KRTAP12-2: variants seen among roughly 807,000 people sequenced by gnomAD.
The protein encoded by KRTAP12-2 is keratin-associated protein 12-2.
For missense variants in KRTAP12-2, 166 were observed against 184.2 expected (o/e 0.90, Z 0.57); for synonymous variants, 73 against 83.9 (o/e 0.87, Z 0.71).
In KRTAP12-2 at chr21:44,666,913, G is replaced by A. The variant is rs782092365; in HGVS notation, c.-27C>T. 5 of 1,604,222 alleles carry A rather than the reference G, an allele frequency of 3.1e-6. No homozygotes were observed. Among genetic ancestry groups the A allele is most frequent in the Non-Finnish European group, 4.3e-6 (5 of 1,174,118 alleles). ...GTGGCGTGTGGCTGGATAAGGTCGA[G>A]GCAGAGGGCAGTGATGTCTGGGGAC... is the stretch of plus-strand genomic sequence containing the variant. On this transcript the variant is annotated 5_prime_UTR_variant, in exon 1 of 1. Transcript: ENST00000360770.
In KRTAP12-2 at chr21:44,666,300, T is replaced by A; in HGVS notation, c.*146A>T. On this transcript the variant is annotated 3_prime_UTR_variant, in exon 1 of 1. Coordinates refer to ENST00000360770, the MANE Select transcript of KRTAP12-2 (RefSeq NM_181684.3). ...TCAGCAAGGGCTCCAGATCATTCTG[T>A]CACATTCTCAATCCAGAATTCAGAG... The A allele has an allele frequency of 9.7e-7, 1 of 1,029,836 alleles. No individual in the cohort carries two copies. Among genetic ancestry groups the A allele is most frequent in the Non-Finnish European group, 1.4e-6 (1 of 708,802 alleles). The allele number at this position is 1,029,836 out of a possible 1,614,324, so 63.8% of individuals were successfully genotyped here.
In KRTAP12-2 at chr21:44,666,685, T is replaced by C. The variant is rs587746846; in HGVS notation, c.202A>G (p.Met68Val). Residue 68 changes from methionine (M) to valine (V), a missense_variant, in exon 1 of 1, where the codon ATG (methionine) becomes GTG (valine). Coordinates refer to ENST00000360770, the MANE Select transcript of KRTAP12-2 (RefSeq NM_181684.3). ...VSCQSSVCVP[M>V]SFKSAVCVPV... ...ACGCACACAGCTGACTTGAAGCTCA[T>C]GGGCACACACACAGAAGACTGGCAG... is the stretch of plus-strand genomic sequence containing the variant. 6.2e-7 allele frequency: 1 copy of C among 1,610,918 alleles called. No homozygotes were observed. Among genetic ancestry groups the C allele is most frequent in the Non-Finnish European group, 8.5e-7 (1 of 1,178,832 alleles).
Position 44,666,864 on chromosome 21 carries a change from G to A in KRTAP12-2, c.23C>T (p.Ser8Leu), listed in dbSNP as rs373803066. Residue 8 changes from serine (S) to leucine (L), a missense_variant, in exon 1 of 1, where the codon TCG becomes TTG. Ser to Leu is a moderately radical substitution (Grantham distance 145). Transcript: ENST00000360770. Reference protein sequence around the residue: MCHTSCSSGCQPACCAPS... With the variant: MCHTSCSLGCQPACCAPS... Reference sequence around the variant, plus strand: ...CGCGCAGCAGGCTGGCTGGCAGCCCGAGGAGCAGCTGGTATGACACATGGT... The same window carrying A: ...CGCGCAGCAGGCTGGCTGGCAGCCCAAGGAGCAGCTGGTATGACACATGGT... 5.7e-5 allele frequency: 92 copies of A among 1,613,572 alleles called. No individual in the cohort carries two copies. The highest frequency in any genetic ancestry group is 3.3e-4 in the Middle Eastern group (2 of 6,082).
At position 44,666,786 on chromosome 21, in the gene KRTAP12-2, C is replaced by T. The variant is rs782520872; in HGVS notation, c.101G>A (p.Cys34Tyr). ...GGACTGGCAGCCCACAGGCACACAG[C>T]AGGATGCCTGGCAGGAGCTGGGCAC... Reference protein sequence around the residue: ...CCVPSSCQASCCVPVGCQSSV... With the variant: ...CCVPSSCQASYCVPVGCQSSV... The change falls in exon 1 of 1, where the codon TGC (cysteine) becomes TAC (tyrosine). Residue 34 changes from cysteine to tyrosine, a missense_variant. Coordinates refer to ENST00000360770, the MANE Select transcript of KRTAP12-2 (RefSeq NM_181684.3). 6.2e-7 allele frequency: 1 copy of T among 1,612,098 alleles called. No individual in the cohort carries two copies. The highest frequency in any genetic ancestry group is 1.1e-5 in the South Asian group (1 of 90,876).
Position 44,666,264 on chromosome 21 carries a change from G to A in KRTAP12-2, c.*182C>T, listed in dbSNP as rs1555944653. 2.7e-6 allele frequency: 2 copies of A among 748,318 alleles called. No homozygotes were observed. The highest frequency in any genetic ancestry group is 1.8e-5 in the African/African-American group (1 of 56,830). 46.4% of individuals were successfully genotyped at this position (748,318 alleles called of 1,614,324 possible). A position where few individuals can be genotyped will look rare whatever the true frequency, so the allele number is the denominator to read the frequency against. On this transcript the variant is annotated 3_prime_UTR_variant, in exon 1 of 1. Coordinates refer to ENST00000360770, the MANE Select transcript of KRTAP12-2 (RefSeq NM_181684.3). ...CTGGGACCCCAGACTTCCCTGGGGG[G>A]ATGGGCAAGGTCAGCAAGGGCTCCA...
chr21:44,666,716 G>A lies in KRTAP12-2; in HGVS notation c.171C>T (p.Pro57=), dbSNP rs371542975. 53 of 1,613,538 alleles carry A rather than the reference G, an allele frequency of 3.3e-5. No homozygotes were observed. The highest frequency in any genetic ancestry group is 1.2e-4 in the African/African-American group (9 of 74,742). Residue 57 remains proline (P), a synonymous_variant, in exon 1 of 1, where the codon CCC becomes CCT. Transcript: ENST00000360770. ...CACACACAGAAGACTGGCAGCTCACGGGCAGGCACACGGCTGGCTTGAAGC... is the reference window on the plus strand; with the variant it reads ...CACACACAGAAGACTGGCAGCTCACAGGCAGGCACACGGCTGGCTTGAAGC... ...PVSFKPAVCL[P]VSCQSSVCVP...
At position 44,666,755 on chromosome 21, in the gene KRTAP12-2, C is replaced by T; in HGVS notation, c.132G>A (p.Val44=). The change falls in exon 1 of 1, where the codon GTG becomes GTA. Residue 44 remains valine (V), a synonymous_variant. Transcript: ENST00000360770. The stretch of plus-strand genomic sequence containing the variant: ...CTGGCTTGAAGCTCACGGGCACACA[C>T]ACGGAGGACTGGCAGCCCACAGGCA... The part of the protein sequence containing the change: ...CCVPVGCQSS[V]CVPVSFKPAV... The T allele has an allele frequency of 6.2e-7, 1 of 1,614,126 alleles. No homozygotes were observed. Among genetic ancestry groups the T allele is most frequent in the African/African-American group, 1.3e-5 (1 of 75,032 alleles).
chr21:44,666,542 A>T, the KRTAP12-2 span: 1 of 1,613,094 alleles, frequency 6.2e-7, no homozygotes, highest in Non-Finnish European at 8.5e-7. Context: ...ACGGAGCCGC[A>T]TACACGACAG....
rs782611058 is a variant in KRTAP12-2 at position 44,666,625 on chromosome 21, C to T, written c.262G>A (p.Val88Met). ...GCACACACAATGGGCCTGCAGCTCA[C>T]AGGCACACACACAGAAGACTGGCAG... is the stretch of plus-strand genomic sequence containing the variant. ...VSCQSSVCVP[V>M]SCRPIVCAAP... Residue 88 changes from valine (V) to methionine (M), a missense_variant, in exon 1 of 1, where the codon GTG (valine) becomes ATG (methionine). Coordinates refer to ENST00000360770, the MANE Select transcript of KRTAP12-2 (RefSeq NM_181684.3). 39 of 1,613,764 alleles carry T rather than the reference C, an allele frequency of 2.4e-5. No individual in the cohort carries two copies. The highest frequency in any genetic ancestry group is 3.2e-5 in the Non-Finnish European group (38 of 1,179,936).
Position 44,666,726 on chromosome 21 carries a change from A to G in KRTAP12-2, c.161T>C (p.Val54Ala), listed in dbSNP as rs200339976. The change falls in exon 1 of 1, where the codon GTG becomes GCG. Residue 54 changes from valine (V) to alanine (A), a missense_variant. By Grantham distance (64) the Val-to-Ala change is moderately conservative. Coordinates refer to ENST00000360770, the MANE Select transcript of KRTAP12-2 (RefSeq NM_181684.3). ...AGACTGGCAGCTCACGGGCAGGCAC[A>G]CGGCTGGCTTGAAGCTCACGGGCAC... ...VCVPVSFKPAVCLPVSCQSSV... is the reference protein window; with the variant it reads ...VCVPVSFKPAACLPVSCQSSV... 1.3e-4 allele frequency: 211 copies of G among 1,613,984 alleles called. No individual in the cohort carries two copies. In the African/African-American group the frequency reaches 2.1e-3, roughly 16 times the overall value.
rs148932141 is a variant in KRTAP12-2, at chr21:44,666,820, C to T, written c.67G>A (p.Ala23Thr). ...TGGCAGGAGCTGGGCACACAACAGG[C>T]TGGCTGGCAGGGGCTGGGCGCGCAG... ...ACCAPSPCQP[A>T]CCVPSSCQAS... Residue 23 changes from alanine (A) to threonine (T), a missense_variant, in exon 1 of 1, where the codon GCC becomes ACC. By Grantham distance (58) the Ala-to-Thr change is moderately conservative. Coordinates refer to ENST00000360770, the MANE Select transcript of KRTAP12-2 (RefSeq NM_181684.3). 8,236 of 1,609,598 alleles carry T rather than the reference C, an allele frequency of 5.1e-3. 35 individuals carry two copies. The highest frequency in any genetic ancestry group is 5.3e-3 in the Non-Finnish European group (6,290 of 1,176,938).
Position 44,666,644 on chromosome 21 carries a change from C to G in KRTAP12-2, c.243G>C (p.Gln81His). The G allele has an allele frequency of 6.2e-7, 1 of 1,613,574 alleles. No individual in the cohort carries two copies. Among genetic ancestry groups the G allele is most frequent in the Non-Finnish European group, 8.5e-7 (1 of 1,179,722 alleles). Residue 81 changes from glutamine to histidine, a missense_variant, in exon 1 of 1, where the codon CAG becomes CAC. Transcript: ENST00000360770. ...KSAVCVPVSC[Q>H]SSVCVPVSCR... ...AGCTCACAGGCACACACACAGAAGA[C>G]TGGCAGCTCACGGGCACGCACACAG...
chr21:44,666,654 A>G lies in KRTAP12-2; in HGVS notation c.233T>C (p.Val78Ala), dbSNP rs782321780. The change falls in exon 1 of 1, where the codon GTG (valine) becomes GCG (alanine). Residue 78 changes from valine to alanine, a missense_variant. Transcript: ENST00000360770. Reference sequence around the variant, plus strand: ...CACACACACAGAAGACTGGCAGCTCACGGGCACGCACACAGCTGACTTGAA... The same window carrying G: ...CACACACACAGAAGACTGGCAGCTCGCGGGCACGCACACAGCTGACTTGAA... ...MSFKSAVCVP[V>A]SCQSSVCVPV... The G allele has an allele frequency of 6.2e-7, 1 of 1,612,410 alleles. No homozygotes were observed. The highest frequency in any genetic ancestry group is 2.2e-5 in the East Asian group (1 of 44,848).
chr21:44,666,699 GA>G, the KRTAP12-2 span: 3 of 1,613,822 alleles, frequency 1.9e-6, no homozygotes, highest in Non-Finnish European at 2.5e-6. Flanking sequence ...CACACACACA[GA>G]AGACTGGCAG....
In KRTAP12-2 at chr21:44,666,887, G is replaced by A; in HGVS notation, c.-1C>T. ...CCGAGGAGCAGCTGGTATGACACAT[G>A]GTGGCGTGTGGCTGGATAAGGTCGA... On this transcript the variant is annotated 5_prime_UTR_variant, in exon 1 of 1. Transcript: ENST00000360770. The A allele has an allele frequency of 6.2e-7, 1 of 1,612,896 alleles. No homozygotes were observed. The highest frequency in any genetic ancestry group is 8.5e-7 in the Non-Finnish European group (1 of 1,179,176).
chr21:44,666,475 T>C lies in KRTAP12-2; in HGVS notation c.412A>G (p.Ile138Val), dbSNP rs587660058. ...PSCTSVLCRP[I>V]SYSISSCC ...CAGCAGGAAGAGATACTGTAGGAGA[T>C]GGGTCTGCAGAGGACGCTGGTGCAG... Residue 138 changes from isoleucine to valine, a missense_variant, in exon 1 of 1, where the codon ATC becomes GTC. Physicochemically the swap from Ile to Val is conservative, Grantham distance 29. Transcript: ENST00000360770. 1.6e-4 allele frequency: 257 copies of C among 1,598,292 alleles called. 2 individuals are homozygous for C. In the South Asian group the frequency reaches 2.7e-3, roughly 17 times the overall value.
chr21:44,666,818 G>A lies in KRTAP12-2; in HGVS notation c.69C>T (p.Ala23=). 8 of 1,609,618 alleles carry A rather than the reference G, an allele frequency of 5.0e-6. No homozygotes were observed. The highest frequency in any genetic ancestry group is 6.8e-6 in the Non-Finnish European group (8 of 1,176,938). Reference sequence around the variant, plus strand: ...CCTGGCAGGAGCTGGGCACACAACAGGCTGGCTGGCAGGGGCTGGGCGCGC... The same window carrying A: ...CCTGGCAGGAGCTGGGCACACAACAAGCTGGCTGGCAGGGGCTGGGCGCGC... ...ACCAPSPCQP[A]CCVPSSCQAS... is the part of the protein sequence containing the mutation. Residue 23 remains alanine (A), a synonymous_variant, in exon 1 of 1, where the codon GCC becomes GCT. Transcript: ENST00000360770.
chr21:44,666,376 A>C lies in KRTAP12-2; in HGVS notation c.*70T>G. The C allele has an allele frequency of 6.7e-7, 1 of 1,484,048 alleles. No individual in the cohort carries two copies. The highest frequency in any genetic ancestry group is 1.3e-5 in the South Asian group (1 of 74,778). 91.9% of individuals were successfully genotyped at this position (1,484,048 alleles called of 1,614,324 possible). Reference sequence around the variant, plus strand: ...TGCACCATGTGCAGAAGACCAACTGAGGACTCATCCAGGGAGTGTACAGGT... The same window carrying C: ...TGCACCATGTGCAGAAGACCAACTGCGGACTCATCCAGGGAGTGTACAGGT... On this transcript the variant is annotated 3_prime_UTR_variant, in exon 1 of 1. Transcript: ENST00000360770.
Position 44,666,285 on chromosome 21 carries a change from C to T in KRTAP12-2, c.*161G>A. The T allele has an allele frequency of 1.1e-6, 1 of 931,328 alleles. No homozygotes were observed. Among genetic ancestry groups the T allele is most frequent in the South Asian group, 1.9e-5 (1 of 51,526 alleles). 57.7% of individuals were successfully genotyped at this position (931,328 alleles called of 1,614,324 possible). ...GGGGGATGGGCAAGGTCAGCAAGGG[C>T]TCCAGATCATTCTGTCACATTCTCA... On this transcript the variant is annotated 3_prime_UTR_variant, in exon 1 of 1. Coordinates refer to ENST00000360770, the MANE Select transcript of KRTAP12-2 (RefSeq NM_181684.3).
Sources: allele counts gnomAD v4.1 joint callset, GRCh38; gene constraint gnomAD v4.1.1; transcripts MANE v1.5; gene names NCBI Gene and HGNC (gene_info 2026-07-23, HGNC 2026-07-21).